The following RPGR variants were observed in gnomAD, a reference collection of about 807,000 sequenced individuals.
RPGR encodes the protein retinitis pigmentosa GTPase regulator.
A neutral mutation model predicts 56.3 loss-of-function variants in RPGR; 10 were observed. The ratio of observed to expected loss-of-function variants is 0.18; its 90% confidence interval spans 0.11 to 0.30. RPGR has a LOEUF of 0.30. RPGR is among the 10% of genes least tolerant of loss of function. RPGR has a pLI of 1.00. For missense variants in RPGR, 538 were observed against 590.9 expected, an observed-to-expected ratio of 0.91 and a Z score of 0.93; for synonymous variants, 197 against 212.9, an observed-to-expected ratio of 0.93 and a Z score of 0.65.
At chrX:38,295,469 G>A in intron 11 of RPGR, among the ~76,000 whole-genome samples, 1 of 112,263 alleles carries the variant, frequency 8.9e-6, no homozygotes, top group East Asian at 2.8e-4. Flanking sequence ...ACAAAATCAT[G>A]CATATTTTCA....
intron 11 of RPGR, among the ~76,000 whole-genome samples, chrX:38,296,700 A>C (rs965703891): frequency 3.7e-4 from 41 of 111,924 alleles, no homozygotes; most frequent in African/African-American, 1.2e-3. Flanking sequence ...TTATTAAATA[A>C]ATTTCAAAGA....
rs2068062003 is a variant in RPGR at position 38,327,090 on chromosome X, A to G, written c.28+250T>C. Reference sequence around the variant, plus strand: ...AAAAAAAAAAGTGTCCCTGCCTTCAAGAAGCTCATCAAGAGCTTATTTAAA... The same window carrying G: ...AAAAAAAAAAGTGTCCCTGCCTTCAGGAAGCTCATCAAGAGCTTATTTAAA... On this transcript the variant is annotated intron_variant, in intron 1 of 18. Coordinates refer to ENST00000642395, the MANE Select transcript of RPGR (RefSeq NM_000328.3). 3 of 343,186 alleles carry G rather than the reference A, an allele frequency of 8.7e-6. No homozygotes were observed. The South Asian group carries it at 2.3e-4, about 26-fold the overall frequency. 28.3% of individuals were successfully genotyped at this position (343,186 alleles called of 1,213,427 possible).
intron 11 of RPGR, among the ~76,000 whole-genome samples, chrX:38,292,173 T>C (rs1223188535): frequency 1.8e-5 from 2 of 111,832 alleles, no homozygotes; most frequent in African/African-American, 6.5e-5. Context: ...CATCTGACAG[T>C]GTGACTGCAA....
At chrX:38,270,228 T>A (rs1309279419) in intron 18 of RPGR, among the ~76,000 whole-genome samples, 1 of 110,997 alleles carries the variant, frequency 9.0e-6, no homozygotes, top group Non-Finnish European at 1.9e-5. Context: ...TGATTCTCAG[T>A]GTATCGCAGC....
intron 10 of RPGR, 108 bp from the exon 11 acceptor site, chrX:38,297,560 G>T: frequency 1.6e-6 from 1 of 636,252 alleles, no homozygotes; most frequent in Non-Finnish European, 2.5e-6. Flanking sequence ...TTCAAAGTAT[G>T]CCAACACTCC....
intron 1 of RPGR, among the ~76,000 whole-genome samples, chrX:38,326,404 T>A (rs2068046360): frequency 9.0e-6 from 1 of 111,656 alleles, no homozygotes; most frequent in Non-Finnish European, 1.9e-5. Flanking sequence ...GGCCAGAAAA[T>A]CAATTCAGTG....
In RPGR at chrX:38,299,052, A is replaced by T. The variant is rs754275914; in HGVS notation, c.1149T>A (p.Thr383=). 6 of 1,211,703 alleles carry T rather than the reference A, an allele frequency of 5.0e-6. No homozygotes were observed. In the South Asian group the frequency reaches 8.8e-5, roughly 18 times the overall value. Residue 383 remains threonine, a synonymous_variant, in exon 10 of 19, where the codon ACT becomes ACA. Transcript: ENST00000642395. Reference sequence around the variant, plus strand: ...GCAGAAAAGTCGCCACAGATAAGCAAGTATCATTTATTTCATCGAATTCAA... The same window carrying T: ...GCAGAAAAGTCGCCACAGATAAGCATGTATCATTTATTTCATCGAATTCAA...
At chrX:38,282,569 T>C (rs755989571) in intron 15 of RPGR, among the ~76,000 whole-genome samples, 1 of 111,650 alleles carries the variant, frequency 9.0e-6, no homozygotes, top group Admixed American at 9.6e-5. Flanking sequence ...AGTAAAAAAC[T>C]GTCTCCCAAA....
In RPGR at chrX:38,301,238, T is replaced by C. The variant is rs781086486; in HGVS notation, c.1059+9A>G. The C allele has an allele frequency of 2.5e-6, 3 of 1,190,067 alleles. No homozygotes were observed. Among genetic ancestry groups the C allele is most frequent in the South Asian group, 1.8e-5 (1 of 55,673 alleles). ...TGAAAATATAAACAGGGAAATGTGA[T>C]GCCCTTACCAATTTAACTATAAACC... On this transcript the variant is annotated intron_variant, in intron 9 of 18. Transcript: ENST00000642395.
chrX:38,323,413 G>C lies in RPGR; in HGVS notation c.140C>G (p.Ser47Cys). The C allele has an allele frequency of 8.3e-7, 1 of 1,205,654 alleles. No homozygotes were observed. The stretch of plus-strand genomic sequence containing the variant: ...GTAATACTAACCGGTAACAACAGCA[G>C]AATGTTCATCTCCACATGAAAGATG... Residue 47 changes from serine to cysteine, a missense_variant, in exon 2 of 19, where the codon TCT becomes TGT. By Grantham distance (112) the Ser-to-Cys change is moderately radical. Transcript: ENST00000642395.
At chrX:38,293,053 T>C (rs991454047) in intron 11 of RPGR, among the ~76,000 whole-genome samples, 4 of 112,263 alleles carry the variant, frequency 3.6e-5, no homozygotes, top group Admixed American at 9.5e-5. Context: ...TTTGTAAATA[T>C]AGAAATTAAG....
At chrX:38,285,208 CAA>C (rs2067105447) in intron 15 of RPGR, 1 of 873,681 alleles carries the variant, frequency 1.1e-6, no homozygotes, top group African/African-American at 2.1e-5. Flanking sequence ...TATACACAAA[CAA>C]AACACTCTTG....
At chrX:38,294,462 C>G (rs1022883480) in intron 11 of RPGR, among the ~76,000 whole-genome samples, 8 of 111,682 alleles carry the variant, frequency 7.2e-5, no homozygotes, top group African/African-American at 2.6e-4. Flanking sequence ...AGCAATCCTC[C>G]TACCTCAGCC....
At chrX:38,271,861 A>C (rs1031842777) in intron 18 of RPGR, among the ~76,000 whole-genome samples, 3 of 112,605 alleles carry the variant, frequency 2.7e-5, no homozygotes, top group Non-Finnish European at 5.6e-5. Context: ...GGAATTACTA[A>C]ATACAGAATG....
rs1328506002 is a variant in RPGR at position 38,304,789 on chromosome X, C to T, written c.780G>A (p.Glu260=). 2 of 1,208,841 alleles carry T rather than the reference C, an allele frequency of 1.7e-6. No homozygotes were observed. The highest frequency in any genetic ancestry group is 2.2e-6 in the Non-Finnish European group (2 of 893,561). The change falls in exon 8 of 19, where the codon GAG becomes GAA. Residue 260 remains glutamate, a splice_region_variant and synonymous_variant. Transcript: ENST00000642395. ...CCAGCCCAAAGGTATACACAGCATT[C>T]TCTGAAAGGAAAGGGGCAAATACAA...
intron 10 of RPGR, chrX:38,298,353 G>A: frequency 3.1e-6 from 1 of 317,652 alleles, no homozygotes; most frequent in Non-Finnish European, 6.0e-6. Flanking sequence ...ATTTAATTGA[G>A]AGAATATTTC....
chrX:38,281,797 G>A (rs947268786), intron 15 of RPGR, among the ~76,000 whole-genome samples: 4 of 112,013 alleles, frequency 3.6e-5, no homozygotes, highest in Non-Finnish European at 7.5e-5. Flanking sequence ...TGTCCACACA[G>A]CTCATCAGTG....
chrX:38,307,225 T>C (rs2067621675), intron 7 of RPGR, among the ~76,000 whole-genome samples: 1 of 111,625 alleles, frequency 9.0e-6, no homozygotes, highest in African/African-American at 3.3e-5. Flanking sequence ...TTTACAAAAC[T>C]ACAAATATCA....
In RPGR at chrX:38,301,299, T is replaced by C; in HGVS notation, c.1007A>G (p.Asn336Ser). ...AGAGCACAAAGTAGGAATGAAGTGA[T>C]TGGTAAAATTCTCCAGTCCAAGTCC... The change falls in exon 9 of 19, where the codon AAT (asparagine) becomes AGT (serine). Residue 336 changes from asparagine (N) to serine (S), a missense_variant. This residue lies in a region of RPGR where 181 missense variants were observed against 265.1 expected (regional missense o/e 0.68). Transcript: ENST00000642395. The C allele has an allele frequency of 8.3e-7, 1 of 1,203,418 alleles. No individual in the cohort carries two copies. Among genetic ancestry groups the C allele is most frequent in the Non-Finnish European group, 1.1e-6 (1 of 887,896 alleles).
Sources: allele counts gnomAD v4.1 joint callset (sites outside exome capture counted in the v4.1 genomes callset), GRCh38; gene constraint gnomAD v4.1.1; regional missense constraint gnomAD v4.1.1; transcripts MANE v1.5; gene names NCBI Gene and HGNC (gene_info 2026-07-23, HGNC 2026-07-21).